The following JAZF1 variants were observed in gnomAD, a reference collection of about 807,000 sequenced individuals.
JAZF1 encodes juxtaposed with another zinc finger protein 1.
JAZF1 carries 8 observed loss-of-function variants against 26.4 expected under a neutral mutation model. The ratio of observed to expected loss-of-function variants is 0.30; its 90% confidence interval spans 0.18 to 0.55. JAZF1 has a LOEUF of 0.55. Ranked by LOEUF, JAZF1 falls within the 20% of genes least tolerant of loss-of-function variation. JAZF1 has a pLI of 0.94. For missense variants in JAZF1, 199 were observed against 322.0 expected (o/e 0.62, Z 2.92); for synonymous variants, 126 against 122.3 (o/e 1.03, Z -0.20).
chr7:27,878,373 A>AAC (rs10645898), intron 3 of JAZF1, among the ~76,000 whole-genome samples: 38,637 of 151,564 alleles, frequency 0.25, 5,168 homozygotes, highest in Middle Eastern at 0.36. Flanking sequence ...GAAAACATCT[A>AAC]ACACACACAC....
chr7:27,888,161 T>A (rs1051096224), intron 3 of JAZF1, among the ~76,000 whole-genome samples: 7 of 152,188 alleles, frequency 4.6e-5, no homozygotes, highest in Admixed American at 3.3e-4. Flanking sequence ...TTAGGGAACG[T>A]TGCTTAGGTA....
intron 1 of JAZF1, among the ~76,000 whole-genome samples, chr7:28,121,114 C>G (rs112199747): frequency 2.0e-5 from 3 of 147,210 alleles, no homozygotes; most frequent in African/African-American, 7.6e-5. Context: ...GCTGAAGAAC[C>G]CTTTGAATCT....
chr7:28,169,209 A>C (rs959884995), intron 1 of JAZF1, among the ~76,000 whole-genome samples: 1 of 152,240 alleles, frequency 6.6e-6, no homozygotes, highest in African/African-American at 2.4e-5. Flanking sequence ...GTTATACGTT[A>C]ATCTCTTTAT....
intron 1 of JAZF1, among the ~76,000 whole-genome samples, chr7:28,010,081 C>T (rs1387797816): frequency 1.3e-5 from 2 of 149,464 alleles, no homozygotes; most frequent in Non-Finnish European, 3.0e-5. Flanking sequence ...TCTTCCCGTC[C>T]TCTGCACATA....
intron 1 of JAZF1, among the ~76,000 whole-genome samples, chr7:28,055,890 G>C (rs1783698258): frequency 6.6e-6 from 1 of 152,208 alleles, no homozygotes; most frequent in Non-Finnish European, 1.5e-5. Context: ...GCTTGATGAT[G>C]TTAAGTAACT....
chr7:28,174,271 C>G (rs1480852921), intron 1 of JAZF1, among the ~76,000 whole-genome samples: 2 of 152,114 alleles, frequency 1.3e-5, no homozygotes, highest in African/African-American at 2.4e-5. Context: ...GCCCTAGAAG[C>G]TAAAACTAGA....
At position 27,832,382 on chromosome 7, in the gene JAZF1, T is replaced by G. The variant is rs970501573; in HGVS notation, c.*418A>C. On this transcript the variant is annotated 3_prime_UTR_variant, in exon 5 of 5. Coordinates refer to ENST00000283928, the MANE Select transcript of JAZF1 (RefSeq NM_175061.4). ...GATAATGAAGGTATTATTTTGGTTT[T>G]GAACATATGTGAGTTGATGTGTTGA... The G allele has an allele frequency of 4.4e-6, 1 of 226,324 alleles. No homozygotes were observed. The highest frequency in any genetic ancestry group is 8.8e-6 in the Non-Finnish European group (1 of 113,524). 14.0% of individuals were successfully genotyped at this position (226,324 alleles called of 1,614,324 possible).
intron 2 of JAZF1, among the ~76,000 whole-genome samples, chr7:27,945,494 C>T (rs2128353434): frequency 6.6e-6 from 1 of 152,316 alleles, no homozygotes; most frequent in Admixed American, 6.5e-5. Flanking sequence ...TTCCTCCTCC[C>T]CTTCTCTCAA....
intron 1 of JAZF1, among the ~76,000 whole-genome samples, chr7:28,133,096 T>A (rs908034500): frequency 6.6e-6 from 1 of 152,220 alleles, no homozygotes; most frequent in African/African-American, 2.4e-5. Context: ...TGACATGGAT[T>A]ACTCATCTTT....
chr7:27,927,149 C>T (rs1784613878), intron 2 of JAZF1, among the ~76,000 whole-genome samples: 1 of 152,196 alleles, frequency 6.6e-6, no homozygotes, highest in Non-Finnish European at 1.5e-5. Flanking sequence ...CGAGGATGCA[C>T]AGGAGATCCA....
intron 1 of JAZF1, among the ~76,000 whole-genome samples, chr7:28,009,312 C>CA (rs1401070731): frequency 1.3e-5 from 2 of 152,020 alleles, no homozygotes; most frequent in Non-Finnish European, 2.9e-5. Flanking sequence ...CTTCAGCCCA[C>CA]ACCTTCCTAC....
At chr7:28,035,626 G>C (rs1360379007) in intron 1 of JAZF1, among the ~76,000 whole-genome samples, 2 of 152,146 alleles carry the variant, frequency 1.3e-5, no homozygotes, top group Non-Finnish European at 2.9e-5. Flanking sequence ...CTTTTGGGAA[G>C]GGCTGGACGA....
chr7:27,975,470 C>A (rs768926015), intron 2 of JAZF1, among the ~76,000 whole-genome samples: 3 of 152,122 alleles, frequency 2.0e-5, no homozygotes, highest in African/African-American at 7.2e-5. Flanking sequence ...CAAGGAAGGA[C>A]GGGCTGAGAC....
intron 1 of JAZF1, among the ~76,000 whole-genome samples, chr7:28,005,667 T>C (rs17156143): frequency 0.048 from 7,327 of 152,252 alleles, 284 homozygotes; most frequent in African/African-American, 0.1. Context: ...GGATTTATCG[T>C]TCCTGATTCT....
At chr7:27,883,870 C>G (rs754909803) in intron 3 of JAZF1, among the ~76,000 whole-genome samples, 4 of 152,154 alleles carry the variant, frequency 2.6e-5, no homozygotes, top group East Asian at 3.9e-4. Context: ...TTTATTTGTC[C>G]ATGTTACTGC....
chr7:27,982,684 A>G (rs932164283), intron 2 of JAZF1, among the ~76,000 whole-genome samples: 13 of 152,108 alleles, frequency 8.5e-5, no homozygotes, highest in African/African-American at 3.1e-4. Flanking sequence ...GAGTATCCTA[A>G]CTGGGAGACA....
At chr7:28,022,440 T>C (rs1783021814) in intron 1 of JAZF1, among the ~76,000 whole-genome samples, 2 of 152,252 alleles carry the variant, frequency 1.3e-5, no homozygotes, top group South Asian at 4.1e-4. Context: ...CATCTGCTCC[T>C]ATCTGCCAAC....
At chr7:27,889,986 T>C (rs974515996) in intron 3 of JAZF1, among the ~76,000 whole-genome samples, 1 of 152,184 alleles carries the variant, frequency 6.6e-6, no homozygotes, top group Admixed American at 6.5e-5. Flanking sequence ...GAAACTGGAT[T>C]TTCTCGTGTA....
chr7:28,020,346 T>C (rs1233801121), intron 1 of JAZF1, among the ~76,000 whole-genome samples: 1 of 152,160 alleles, frequency 6.6e-6, no homozygotes, highest in East Asian at 1.9e-4. Context: ...AGAAGCCTTC[T>C]GATGAGGTGT....
Sources: gnomAD v4.1 joint callset for allele counts (sites outside exome capture counted in the v4.1 genomes callset) on GRCh38, gnomAD v4.1.1 for gene constraint, MANE v1.5 for transcripts, NCBI Gene and HGNC (gene_info 2026-07-23, HGNC 2026-07-21) for gene names.